CCDC30: variants seen among roughly 807,000 people sequenced by gnomAD.
CCDC30 encodes coiled-coil domain-containing protein 30.
A neutral mutation model predicts 100.2 loss-of-function variants in CCDC30; 70 were observed. The ratio of observed to expected loss-of-function variants is 0.70; its 90% confidence interval spans 0.58 to 0.85. The LOEUF (loss-of-function observed/expected upper bound fraction) is 0.85. Ranked by LOEUF, CCDC30 falls within the 40% of genes least tolerant of loss-of-function variation. CCDC30 has a pLI of 0.00. For synonymous variants in CCDC30, 233 were observed against 269.5 expected, an observed-to-expected ratio of 0.86 and a Z score of 1.33; for missense variants, 652 against 771.2, an observed-to-expected ratio of 0.85 and a Z score of 1.83.
At chr1:42,618,229 C>CTTTTTTTTTTTTT (rs563022326) in intron 11 of CCDC30, among the ~76,000 whole-genome samples, 12 of 90,462 alleles carry the variant, frequency 1.3e-4, no homozygotes, top group African/African-American at 2.7e-4. Flanking sequence ...CCAGTGATAT[C>CTTTTTTTTTTTTT]TTTTTTTTTT....
At position 42,512,841 on chromosome 1, in the gene CCDC30, C is replaced by T. The variant is rs1490762709; in HGVS notation, c.456+13925C>T. Reference sequence around the variant, plus strand: ...AACATGGCCAACATGCCCAGCAACCCGTGGTTTCTGGGGGATTCTCCATGT... The same window carrying T: ...AACATGGCCAACATGCCCAGCAACCTGTGGTTTCTGGGGGATTCTCCATGT... On this transcript the variant is annotated intron_variant, in intron 6 of 16. Coordinates refer to ENST00000668663, the Ensembl canonical transcript of CCDC30. Among the ~76,000 whole-genome samples, 4 of 152,184 alleles carry T rather than the reference C, an allele frequency of 2.6e-5. No individual in the cohort carries two copies. In the East Asian group the frequency reaches 5.8e-4, roughly 22 times the overall value.
intron 9 of CCDC30, among the ~76,000 whole-genome samples, chr1:42,585,220 A>G (rs1374275031): frequency 6.6e-6 from 1 of 152,066 alleles, no homozygotes; most frequent in Non-Finnish European, 1.5e-5. Flanking sequence ...ATGTCCATGG[A>G]GTTAGTAGTG....
chr1:42,577,457 C>T (rs1233530172), intron 8 of CCDC30, among the ~76,000 whole-genome samples: 2 of 151,790 alleles, frequency 1.3e-5, no homozygotes, highest in African/African-American at 2.4e-5. Flanking sequence ...TTTATTAAAG[C>T]GATAACATGA....
intron 1 of CCDC30, chr1:42,473,606 CT>C (rs770112672): frequency 2.5e-4 from 68 of 267,958 alleles, no homozygotes; most frequent in East Asian, 5.6e-4. Flanking sequence ...CTAGGTGACT[CT>C]TTTTTTTGAA....
intron 10 of CCDC30, among the ~76,000 whole-genome samples, chr1:42,600,569 AC>A (rs1646384131): frequency 2.0e-5 from 3 of 152,116 alleles, no homozygotes; most frequent in Non-Finnish European, 4.4e-5. Context: ...AAATTAACAA[AC>A]ATGAAAGAAT....
intron 3 of CCDC30, among the ~76,000 whole-genome samples, chr1:42,484,495 G>T (rs1190472718): frequency 6.6e-6 from 1 of 152,208 alleles, no homozygotes; most frequent in Non-Finnish European, 1.5e-5. Flanking sequence ...TCTATCAGCA[G>T]TTGCTCTGTA....
chr1:42,608,330 T>G lies in CCDC30; in HGVS notation c.1165-2648T>G, dbSNP rs1436582405. Among the ~76,000 whole-genome samples, 4 of 152,224 alleles carry G rather than the reference T, an allele frequency of 2.6e-5. No individual in the cohort carries two copies. In the East Asian group the frequency reaches 7.7e-4, roughly 29 times the overall value. ...ATGCCATCATTGTTTTTGTTTGTTT[T>G]GATTTTTGTCATTTTTAGTTTATGT... is the stretch of plus-strand genomic sequence containing the variant. On this transcript the variant is annotated intron_variant, in intron 10 of 16. Coordinates refer to ENST00000668663, the Ensembl canonical transcript of CCDC30.
intron 11 of CCDC30, among the ~76,000 whole-genome samples, chr1:42,634,382 A>G (rs980161098): frequency 6.6e-6 from 1 of 152,132 alleles, no homozygotes; most frequent in Non-Finnish European, 1.5e-5. Flanking sequence ...GGTGGGGGCC[A>G]ATGATGCTAC....
chr1:42,457,027 C>CT, the CCDC30 span: 13 of 1,601,610 alleles, frequency 8.1e-6, no homozygotes, highest in Non-Finnish European at 1.1e-5. Flanking sequence ...CTTTGGCGGA[C>CT]TATTTGCATC....
chr1:42,512,392 C>T (rs1360057014), intron 6 of CCDC30, among the ~76,000 whole-genome samples: 1 of 152,148 alleles, frequency 6.6e-6, no homozygotes, highest in African/African-American at 2.4e-5. Flanking sequence ...CAGAGAGTGA[C>T]CTGGAAATGC....
At chr1:42,553,384 T>TGTTTTATATATAATGTTC (rs71278717) in intron 6 of CCDC30, among the ~76,000 whole-genome samples, 32,039 of 151,430 alleles carry the variant, frequency 0.21, 4,357 homozygotes, top group Admixed American at 0.32. Flanking sequence ...TTTTAATGTT[T>TGTTTTATATATAATGTTC]GTTTTATATA....
chr1:42,481,063 G>T (rs991241713), intron 2 of CCDC30, among the ~76,000 whole-genome samples: 1 of 151,560 alleles, frequency 6.6e-6, no homozygotes, highest in Non-Finnish European at 1.5e-5. Context: ...GTGAGCTATG[G>T]TTGCGCCACT....
At chr1:42,467,720 C>T (rs1371018410) in intron 1 of CCDC30, 1 of 152,190 alleles carries the variant, frequency 6.6e-6, no homozygotes, top group Non-Finnish European at 1.5e-5. Flanking sequence ...CCCTCAGAGG[C>T]CATATTTGTA....
chr1:42,457,536 T>C, the CCDC30 span: 2 of 612,012 alleles, frequency 3.3e-6, no homozygotes, highest in East Asian at 5.5e-5. Context: ...CAGACATAAT[T>C]ACAATACAGA....
At position 42,482,846 on chromosome 1, in the gene CCDC30, G is replaced by A. The variant is rs899798788; in HGVS notation, c.169+30G>A. The A allele has an allele frequency of 2.0e-5, 25 of 1,221,748 alleles. No individual in the cohort carries two copies. The Admixed American group carries it at 2.1e-4, about 10-fold the overall frequency. The allele number at this position is 1,221,748 out of a possible 1,614,324, so 75.7% of individuals were successfully genotyped here. ...GCTGTGGTTTCAGATGACCATTTCC[G>A]ATCATGCTTTAACTGTACTGATCTC... On this transcript the variant is annotated intron_variant, in intron 3 of 16. Coordinates refer to ENST00000668663, the Ensembl canonical transcript of CCDC30.
At chr1:42,483,733 A>G (rs904125373) in intron 3 of CCDC30, among the ~76,000 whole-genome samples, 3 of 152,030 alleles carry the variant, frequency 2.0e-5, no homozygotes, top group Non-Finnish European at 2.9e-5. Flanking sequence ...GGAGTTCTTT[A>G]TATATTGTGG....
chr1:42,629,599 A>G (rs1646995907), intron 11 of CCDC30, among the ~76,000 whole-genome samples: 1 of 151,990 alleles, frequency 6.6e-6, no homozygotes, highest in Non-Finnish European at 1.5e-5. Flanking sequence ...TATCCCCTTG[A>G]ATAAACTTCC....
chr1:42,595,539 T>A (rs942908163), intron 10 of CCDC30: 4 of 152,158 alleles, frequency 2.6e-5, no homozygotes, highest in Non-Finnish European at 5.9e-5. Flanking sequence ...AGAGCAAGAC[T>A]CTGTCTCAAA....
exon 3 of CCDC30, chr1:42,482,702 AACTGCCTAGGAAGAG>A (rs1643982177): frequency 8.1e-7 from 1 of 1,233,998 alleles, no homozygotes; most frequent in Non-Finnish European, 1.0e-6. Flanking sequence ...AACATCACAA[AACTGCCTAGGAAGAG>A]GAATGGAACA....
Sources: allele counts gnomAD v4.1 joint callset (sites outside exome capture counted in the v4.1 genomes callset), GRCh38; gene constraint gnomAD v4.1.1; transcripts MANE v1.5; gene names NCBI Gene and HGNC (gene_info 2026-07-23, HGNC 2026-07-21).